The following APBA1 variants were observed in gnomAD, a reference collection of about 807,000 sequenced individuals.
APBA1 encodes the protein amyloid beta precursor protein binding family A member 1.
In APBA1, 55 loss-of-function variants were observed where a neutral mutation model predicts 86.6. That is an observed-to-expected ratio of 0.64 (90% CI 0.51 to 0.80). APBA1 has a LOEUF of 0.80. Among genes scored for constraint, APBA1 ranks in the 30% least tolerant of loss-of-function variants. APBA1 has a pLI of 0.00. For missense variants in APBA1, 1,090 were observed against 1,183.0 expected (o/e 0.92, Z 1.15); for synonymous variants, 511 against 493.9 (o/e 1.03, Z -0.46).
intron 1 of APBA1, among the ~76,000 whole-genome samples, chr9:69,631,308 C>T (rs1379143071): frequency 1.3e-5 from 2 of 152,184 alleles, no homozygotes; most frequent in African/African-American, 4.8e-5. Flanking sequence ...TGAAAAAATG[C>T]TCATCATCAC....
chr9:69,431,143 A>G lies in APBA1; in HGVS notation c.*184T>C, dbSNP rs1213929344. 18 of 107,892 alleles carry G rather than the reference A, an allele frequency of 1.7e-4. No individual in the cohort carries two copies. Among genetic ancestry groups the G allele is most frequent in the East Asian group, 3.4e-4 (2 of 5,892 alleles). 6.7% of individuals were successfully genotyped at this position (107,892 alleles called of 1,614,324 possible). On this transcript the variant is annotated 3_prime_UTR_variant, in exon 13 of 13. Coordinates refer to ENST00000265381, the MANE Select transcript of APBA1 (RefSeq NM_001163.4). ...GCATACGAAACTTCCCTGGTATTGAAAAAAAAAAAAAAAAAAAAGCAAATC... is the reference window on the plus strand; with the variant it reads ...GCATACGAAACTTCCCTGGTATTGAGAAAAAAAAAAAAAAAAAAGCAAATC...
chr9:69,585,240 C>T (rs1821995175), intron 1 of APBA1, among the ~76,000 whole-genome samples: 1 of 152,118 alleles, frequency 6.6e-6, no homozygotes, highest in South Asian at 2.1e-4. Context: ...ATTATCTGCT[C>T]CTTAAAATAC....
intron 5 of APBA1, chr9:69,461,271 G>A (rs1400497111): frequency 6.6e-6 from 1 of 151,996 alleles, no homozygotes; most frequent in Non-Finnish European, 1.5e-5. Flanking sequence ...TTAAACCCTC[G>A]TGTTTCATGG....
intron 1 of APBA1, among the ~76,000 whole-genome samples, chr9:69,589,092 C>A (rs1271633557): frequency 6.6e-6 from 1 of 152,124 alleles, no homozygotes; most frequent in African/African-American, 2.4e-5. Context: ...GTAGCTGGAA[C>A]TACAGGCACA....
intron 2 of APBA1, among the ~76,000 whole-genome samples, chr9:69,500,927 C>G (rs996142567): frequency 2.0e-5 from 3 of 152,090 alleles, no homozygotes; most frequent in Middle Eastern, 3.2e-3. Context: ...ACATTTATAG[C>G]CAAATCGCAT....
chr9:69,512,199 A>T (rs1394816146), intron 2 of APBA1, among the ~76,000 whole-genome samples: 1 of 152,176 alleles, frequency 6.6e-6, no homozygotes, highest in African/African-American at 2.4e-5. Context: ...AGAAAAGTGA[A>T]ACTCCTTACT....
At chr9:69,582,795 G>A (rs1334700027) in intron 1 of APBA1, among the ~76,000 whole-genome samples, 1 of 152,062 alleles carries the variant, frequency 6.6e-6, no homozygotes, top group East Asian at 1.9e-4. Context: ...AGTTCCTTCC[G>A]CTATGAAAGT....
At chr9:69,490,026 G>A (rs1173971049) in intron 2 of APBA1, among the ~76,000 whole-genome samples, 11 of 152,146 alleles carry the variant, frequency 7.2e-5, no homozygotes, top group South Asian at 4.2e-4. Context: ...ACATGCACAC[G>A]TATGTTTATT....
At chr9:69,539,559 T>C (rs1275293271) in intron 1 of APBA1, among the ~76,000 whole-genome samples, 1 of 152,226 alleles carries the variant, frequency 6.6e-6, no homozygotes, top group Non-Finnish European at 1.5e-5. Flanking sequence ...AGCTTCCTAA[T>C]TTGTCTTGAG....
intron 1 of APBA1, among the ~76,000 whole-genome samples, chr9:69,552,424 T>C (rs974321579): frequency 1.3e-5 from 2 of 152,276 alleles, no homozygotes; most frequent in Admixed American, 1.3e-4. Flanking sequence ...TCACATTGAG[T>C]TCAAATGCAC....
At chr9:69,511,865 T>A (rs888364619) in intron 2 of APBA1, among the ~76,000 whole-genome samples, 2 of 151,522 alleles carry the variant, frequency 1.3e-5, no homozygotes, top group Admixed American at 1.3e-4. Context: ...TAGGCGGGAA[T>A]TGAACAATGA....
chr9:69,631,598 C>T (rs1823047295), intron 1 of APBA1, among the ~76,000 whole-genome samples: 1 of 152,222 alleles, frequency 6.6e-6, no homozygotes, highest in South Asian at 2.1e-4. Flanking sequence ...TATAAAGACA[C>T]ATGCATACGC....
At position 69,516,477 on chromosome 9, in the gene APBA1, T is replaced by G; in HGVS notation, c.734A>C (p.Glu245Ala). The change falls in exon 2 of 13, where the codon GAG becomes GCG. Residue 245 changes from glutamate to alanine, a missense_variant. This residue lies in a region of APBA1 where 678 missense variants were observed against 647.1 expected (regional missense o/e 1.05). Coordinates refer to ENST00000265381, the MANE Select transcript of APBA1 (RefSeq NM_001163.4). The surrounding 1 kb of genome is among the most constrained non-coding windows in gnomAD (Gnocchi z 7.3). ...LHHYDERSDG[E>A]SDSPEKEAEF... ...GGCCTCCTTCTCGGGGCTGTCGGAC[T>G]CGCCGTCGGAGCGCTCGTCGTAATG... 1 of 1,600,852 alleles carries G rather than the reference T, an allele frequency of 6.2e-7. No individual in the cohort carries two copies. Among genetic ancestry groups the G allele is most frequent in the Non-Finnish European group, 8.5e-7 (1 of 1,178,404 alleles).
At position 69,516,071 on chromosome 9, in the gene APBA1, G is replaced by A; in HGVS notation, c.1140C>T (p.Val380=). 1 of 1,612,592 alleles carries A rather than the reference G, an allele frequency of 6.2e-7. No homozygotes were observed. Among genetic ancestry groups the A allele is most frequent in the Non-Finnish European group, 8.5e-7 (1 of 1,179,146 alleles). ...TGGTGGGGCTAATGTCCTGGCGCATGACCCAGATGGGCTCTTTGGGCTCGT... is the reference window on the plus strand; with the variant it reads ...TGGTGGGGCTAATGTCCTGGCGCATAACCCAGATGGGCTCTTTGGGCTCGT... ...TPDEPKEPIW[V]MRQDISPTRD... is the part of the protein sequence containing the mutation. Residue 380 remains valine, a synonymous_variant, in exon 2 of 13, where the codon GTC becomes GTT. Transcript: ENST00000265381. The surrounding 1 kb of genome is among the most constrained non-coding windows in gnomAD (Gnocchi z 7.3).
chr9:69,435,177 C>T (rs1834683591), intron 11 of APBA1, among the ~76,000 whole-genome samples: 1 of 152,058 alleles, frequency 6.6e-6, no homozygotes, highest in Admixed American at 6.6e-5. Context: ...GCCACATTTT[C>T]TTAATCTAGT....
chr9:69,443,213 T>G (rs961915278), intron 10 of APBA1, among the ~76,000 whole-genome samples: 2 of 152,192 alleles, frequency 1.3e-5, no homozygotes, highest in African/African-American at 4.8e-5. Flanking sequence ...TCAGAAAACC[T>G]AGGGGTGGGA....
At chr9:69,431,447 C>T in intron 12 of APBA1, 49 bp from the exon 13 acceptor site, 1 of 1,542,038 alleles carries the variant, frequency 6.5e-7, no homozygotes, top group Non-Finnish European at 8.9e-7. Flanking sequence ...TGGGGGCTGG[C>T]TGCGTGGGCA....
chr9:69,541,262 C>G (rs1049707201), intron 1 of APBA1, among the ~76,000 whole-genome samples: 1 of 145,478 alleles, frequency 6.9e-6, no homozygotes, highest in African/African-American at 2.5e-5. Context: ...CCCCCCCCCC[C>G]ATTCTGTTTT....
chr9:69,560,753 C>T (rs998152226), intron 1 of APBA1, among the ~76,000 whole-genome samples: 6 of 152,102 alleles, frequency 3.9e-5, no homozygotes, highest in Non-Finnish European at 5.9e-5. Context: ...CATCCCTAAT[C>T]CAAAAATCCA....
Sources: gnomAD v4.1 joint callset for allele counts (sites outside exome capture counted in the v4.1 genomes callset) on GRCh38, gnomAD v4.1.1 for gene constraint, gnomAD v4.1.1 regional missense constraint, Gnocchi (gnomAD v3.1) non-coding constraint, MANE v1.5 for transcripts, NCBI Gene and HGNC (gene_info 2026-07-23, HGNC 2026-07-21) for gene names.